Variants in MECOM observed in about 807,000 individuals in gnomAD.
MECOM encodes the protein histone-lysine N-methyltransferase MECOM.
MECOM carries 13 observed loss-of-function variants against 116.3 expected under a neutral mutation model. That is an observed-to-expected ratio of 0.11 (90% CI 0.07 to 0.18). The LOEUF (loss-of-function observed/expected upper bound fraction) is 0.18, where lower values mean the gene tolerates loss of function less well. MECOM is among the 10% of genes least tolerant of loss of function. The pLI is 1.00. For synonymous variants in MECOM, 528 were observed against 535.2 expected (o/e 0.99, Z 0.19); for missense variants, 1,299 against 1,509.0 (o/e 0.86, Z 2.31).
At chr3:169,220,875 T>C (rs1400276120) in intron 2 of MECOM, among the ~76,000 whole-genome samples, 1 of 152,210 alleles carries the variant, frequency 6.6e-6, no homozygotes, top group Non-Finnish European at 1.5e-5. Flanking sequence ...TTGACTAGTG[T>C]ATTTCCTGAG....
At chr3:169,590,227 T>G (rs547861111) in intron 1 of MECOM, among the ~76,000 whole-genome samples, 1 of 152,362 alleles carries the variant, frequency 6.6e-6, no homozygotes, top group African/African-American at 2.4e-5. Flanking sequence ...AAATATCTAC[T>G]GATTTGATGA....
rs181810873 is a variant in MECOM at position 169,580,166 on chromosome 3, G to A, written c.37+83170C>T. The stretch of plus-strand genomic sequence containing the variant: ...TATATTTTGAAGTGCAGAAATTGAC[G>A]AATGGACTTTAGAGAGAATATGGTG... On this transcript the variant is annotated intron_variant, in intron 1 of 16. Coordinates refer to ENST00000651503, the MANE Select transcript of MECOM (RefSeq NM_004991.4). 9.8e-5 allele frequency among the ~76,000 whole-genome samples: 15 copies of A among 152,300 alleles called. No homozygotes were observed. The South Asian group carries it at 1.7e-3, about 17-fold the overall frequency.
intron 1 of MECOM, among the ~76,000 whole-genome samples, chr3:169,515,235 G>T (rs985353429): frequency 3.9e-5 from 6 of 152,090 alleles, no homozygotes; most frequent in African/African-American, 1.2e-4. Flanking sequence ...TGTACCATAG[G>T]CCAGATCCTA....
chr3:169,634,670 T>C (rs7652404), intron 1 of MECOM, among the ~76,000 whole-genome samples: 38,916 of 152,042 alleles, frequency 0.26, 5,364 homozygotes, highest in Non-Finnish European at 0.32. Flanking sequence ...GTTCTCTTTT[T>C]CAAATGTCTG....
chr3:169,599,652 T>A (rs750583038), intron 1 of MECOM, among the ~76,000 whole-genome samples: 46 of 152,134 alleles, frequency 3.0e-4, no homozygotes, highest in Middle Eastern at 3.2e-3. Context: ...GTACCAACAA[T>A]CAATTCTCTC....
At chr3:169,236,360 C>T (rs1435824938) in intron 2 of MECOM, among the ~76,000 whole-genome samples, 2 of 152,182 alleles carry the variant, frequency 1.3e-5, no homozygotes, top group Admixed American at 1.3e-4. Flanking sequence ...AGTAAACTTT[C>T]TCTTCGAGTG....
chr3:169,381,039 A>G (rs890468788), intron 2 of MECOM, 148 bp downstream of exon 2: 19 of 710,120 alleles, frequency 2.7e-5, no homozygotes, highest in Non-Finnish European at 4.1e-5. Flanking sequence ...TTGTATTAAG[A>G]AGTGAGATTG....
chr3:169,661,418 G>T (rs1776271255), intron 1 of MECOM, among the ~76,000 whole-genome samples: 2 of 151,924 alleles, frequency 1.3e-5, no homozygotes, highest in African/African-American at 4.8e-5. Flanking sequence ...AAAGACATCG[G>T]CCTCATTTAA....
At chr3:169,660,667 C>A (rs1776165811) in intron 1 of MECOM, among the ~76,000 whole-genome samples, 1 of 152,128 alleles carries the variant, frequency 6.6e-6, no homozygotes, top group Non-Finnish European at 1.5e-5. Flanking sequence ...TCACAACTCC[C>A]CTTCTAAACC....
At chr3:169,661,178 G>T (rs761874400) in intron 1 of MECOM, among the ~76,000 whole-genome samples, 1 of 152,180 alleles carries the variant, frequency 6.6e-6, no homozygotes, top group Non-Finnish European at 1.5e-5. Flanking sequence ...AGGGTTTTGT[G>T]TTCTGCTTTC....
chr3:169,141,400 C>G (rs1219847814), intron 3 of MECOM, among the ~76,000 whole-genome samples: 2 of 152,048 alleles, frequency 1.3e-5, no homozygotes, highest in Non-Finnish European at 2.9e-5. Flanking sequence ...ACCAGGGTCT[C>G]TCTCTATAGC....
intron 1 of MECOM, among the ~76,000 whole-genome samples, chr3:169,493,970 A>G (rs139755004): frequency 0.018 from 2,710 of 152,226 alleles, 32 homozygotes; most frequent in Non-Finnish European, 0.026. Context: ...ATAACCTTAA[A>G]CGGTAGGAAA....
At chr3:169,245,274 G>A (rs1755439504) in intron 2 of MECOM, among the ~76,000 whole-genome samples, 1 of 152,082 alleles carries the variant, frequency 6.6e-6, no homozygotes, top group Admixed American at 6.5e-5. Flanking sequence ...GAACAGCCAC[G>A]CTAGGGTTAA....
At chr3:169,173,387 T>C (rs894470829) in intron 2 of MECOM, among the ~76,000 whole-genome samples, 1 of 152,050 alleles carries the variant, frequency 6.6e-6, no homozygotes, top group African/African-American at 2.4e-5. Flanking sequence ...GCTTTAATCC[T>C]CCCTCTCTCC....
chr3:169,595,886 C>T (rs1767067620), intron 1 of MECOM, among the ~76,000 whole-genome samples: 1 of 151,210 alleles, frequency 6.6e-6, no homozygotes, highest in Non-Finnish European at 1.5e-5. Context: ...ACTTTTGGCA[C>T]ATTGAAGAAA....
intron 2 of MECOM, among the ~76,000 whole-genome samples, chr3:169,225,343 A>T (rs1339987849): frequency 1.3e-5 from 2 of 152,188 alleles, no homozygotes; most frequent in Non-Finnish European, 2.9e-5. Context: ...TTAGAGGGAC[A>T]TGTCTGGACT....
intron 1 of MECOM, among the ~76,000 whole-genome samples, chr3:169,516,304 A>G (rs986660354): frequency 6.6e-6 from 1 of 152,218 alleles, no homozygotes; most frequent in Non-Finnish European, 1.5e-5. Context: ...AAGTTTTCAT[A>G]CGACATTACC....
intron 2 of MECOM, among the ~76,000 whole-genome samples, chr3:169,339,654 T>C (rs1724150654): frequency 6.6e-6 from 1 of 152,112 alleles, no homozygotes; most frequent in African/African-American, 2.4e-5. Context: ...AGCTGATGTG[T>C]GTGTATATTA....
chr3:169,142,793 C>G (rs1738528929), intron 3 of MECOM, among the ~76,000 whole-genome samples: 1 of 151,798 alleles, frequency 6.6e-6, no homozygotes, highest in Non-Finnish European at 1.5e-5. Flanking sequence ...CAATTGGAAA[C>G]ATTTAATTTA....
Sources: gnomAD v4.1 joint callset for allele counts (sites outside exome capture counted in the v4.1 genomes callset) on GRCh38, gnomAD v4.1.1 for gene constraint, MANE v1.5 for transcripts, NCBI Gene and HGNC (gene_info 2026-07-23, HGNC 2026-07-21) for gene names.